Variants in SLC16A7 observed in about 807,000 individuals in gnomAD.
The protein encoded by SLC16A7 is solute carrier family 16 member 7.
Under a neutral mutation model 34.9 loss-of-function variants are expected in SLC16A7, and 33 were observed. That is an observed-to-expected ratio of 0.94 (90% CI 0.72 to 1.26). SLC16A7 has a LOEUF of 1.26. Ranked by LOEUF, SLC16A7 falls within the 50% of genes most tolerant of loss-of-function variation. SLC16A7 has a pLI of 0.00. For missense variants in SLC16A7, 573 were observed against 578.1 expected, an observed-to-expected ratio of 0.99 and a Z score of 0.09; for synonymous variants, 201 against 206.6, an observed-to-expected ratio of 0.97 and a Z score of 0.23.
chr12:59,607,023 A>G (rs1878977767), intron 1 of SLC16A7, among the ~76,000 whole-genome samples: 2 of 152,212 alleles, frequency 1.3e-5, no homozygotes, highest in African/African-American at 2.4e-5. Flanking sequence ...GATTTTGTAA[A>G]TAAAGTGTTT....
At chr12:59,625,138 CAA>C (rs371441477) in intron 1 of SLC16A7, among the ~76,000 whole-genome samples, 12 of 151,888 alleles carry the variant, frequency 7.9e-5, no homozygotes, top group African/African-American at 2.9e-4. Flanking sequence ...GAGACTTGCA[CAA>C]ATTAACTCCA....
chr12:59,700,889 C>T (rs1226288717), intron 2 of SLC16A7, among the ~76,000 whole-genome samples: 2 of 151,818 alleles, frequency 1.3e-5, no homozygotes, highest in Admixed American at 6.6e-5. Flanking sequence ...TAACTATGTA[C>T]AGATGACTAA....
At chr12:59,715,912 C>T (rs974913775) in intron 3 of SLC16A7, among the ~76,000 whole-genome samples, 5 of 152,130 alleles carry the variant, frequency 3.3e-5, no homozygotes, top group Admixed American at 3.3e-4. Flanking sequence ...CCTGCACAAC[C>T]ACAAAGCTAA....
rs1883591903 is a variant in SLC16A7 at position 59,786,029 on chromosome 12, C to A, written c.*6350C>A. 9.7e-6 allele frequency: 1 copy of A among 103,116 alleles called. No individual in the cohort carries two copies. The highest frequency in any genetic ancestry group is 1.8e-5 in the Non-Finnish European group (1 of 55,068). The allele number at this position is 103,116 out of a possible 1,614,324, so 6.4% of individuals were successfully genotyped here. On this transcript the variant is annotated 3_prime_UTR_variant, in exon 6 of 6. Transcript: ENST00000547379. ...GAAGGGGAACATCACACTCTGGGGA[C>A]TGTGGTGGGGTCGGGGGAGGGGGGA...
chr12:59,766,725 C>T (rs1881679826), intron 3 of SLC16A7, among the ~76,000 whole-genome samples: 5 of 152,066 alleles, frequency 3.3e-5, no homozygotes, highest in Admixed American at 1.3e-4. Context: ...CTGCTGGATT[C>T]GTTTTGCCAG....
chr12:59,762,256 C>G (rs1027264474), intron 3 of SLC16A7, among the ~76,000 whole-genome samples: 3 of 152,018 alleles, frequency 2.0e-5, no homozygotes, highest in African/African-American at 7.2e-5. Context: ...GAATATGGAG[C>G]CTTTCTTTTT....
chr12:59,602,270 T>C (rs533542781), intron 1 of SLC16A7, among the ~76,000 whole-genome samples: 1 of 152,262 alleles, frequency 6.6e-6, no homozygotes, highest in Admixed American at 6.5e-5. Flanking sequence ...AATCAGAGCA[T>C]CATTGACCTC....
chr12:59,751,988 G>A (rs1042077238), intron 3 of SLC16A7, among the ~76,000 whole-genome samples: 1 of 152,184 alleles, frequency 6.6e-6, no homozygotes, highest in Non-Finnish European at 1.5e-5. Flanking sequence ...CTGGTACCCA[G>A]GCAAACAGGG....
chr12:59,706,340 C>T (rs906499847), intron 3 of SLC16A7, among the ~76,000 whole-genome samples: 2 of 150,502 alleles, frequency 1.3e-5, no homozygotes, highest in Non-Finnish European at 3.0e-5. Context: ...CGAAGGTAAA[C>T]AGTTGATCCT....
At chr12:59,667,939 G>T (rs900617182) in intron 2 of SLC16A7, among the ~76,000 whole-genome samples, 5 of 152,204 alleles carry the variant, frequency 3.3e-5, no homozygotes, top group African/African-American at 1.2e-4. Flanking sequence ...ATATAGCTAG[G>T]GTCATGGCTT....
intron 2 of SLC16A7, among the ~76,000 whole-genome samples, chr12:59,661,259 A>G (rs1868835959): frequency 6.6e-6 from 1 of 152,060 alleles, no homozygotes; most frequent in Admixed American, 6.6e-5. Context: ...TGGGATAACA[A>G]TTGGAGGCTA....
chr12:59,786,156 G>T lies in SLC16A7; in HGVS notation c.*6477G>T, dbSNP rs977406931. 6.7e-6 allele frequency: 1 copy of T among 150,312 alleles called. No individual in the cohort carries two copies. Among genetic ancestry groups the T allele is most frequent in the African/African-American group, 2.5e-5 (1 of 40,626 alleles). 9.3% of individuals were successfully genotyped at this position (150,312 alleles called of 1,614,324 possible). A position where few individuals can be genotyped will look rare whatever the true frequency, so the allele number is the denominator to read the frequency against. On this transcript the variant is annotated 3_prime_UTR_variant, in exon 6 of 6. Transcript: ENST00000547379. The stretch of plus-strand genomic sequence containing the variant: ...CATATGTAACTAACCTGCACATTGT[G>T]CACATGTACCCTAAAACTTAAAGTA...
At chr12:59,616,559 T>C (rs1038269650) in intron 1 of SLC16A7, among the ~76,000 whole-genome samples, 1 of 152,188 alleles carries the variant, frequency 6.6e-6, no homozygotes, top group Non-Finnish European at 1.5e-5. Context: ...GTTATCTTAT[T>C]TGCCTTCAGT....
Position 59,775,044 on chromosome 12 carries a change from ATC to A in SLC16A7, c.751_752del (p.Leu251ValfsTer22), listed in dbSNP as rs1165809380. The A allele has an allele frequency of 3.7e-6, 6 of 1,613,950 alleles. No homozygotes were observed. Among genetic ancestry groups the A allele is most frequent in the Non-Finnish European group, 5.1e-6 (6 of 1,179,992 alleles). ...TTTAAGCATAGAGGATTTCTGATAT[ATC>A]TGTCTGGAAATGTCATTATGTTCCT... On this transcript the variant is annotated frameshift_variant, in exon 5 of 6. Coordinates refer to ENST00000547379, the MANE Select transcript of SLC16A7 (RefSeq NM_001270623.2). LOFTEE classifies it high-confidence loss of function.
At chr12:59,685,540 A>G (rs1871086936) in intron 2 of SLC16A7, among the ~76,000 whole-genome samples, 1 of 152,160 alleles carries the variant, frequency 6.6e-6, no homozygotes, top group Non-Finnish European at 1.5e-5. Context: ...TATTTATGAC[A>G]TATTTTGTGG....
At chr12:59,667,709 C>G (rs564602749) in intron 2 of SLC16A7, among the ~76,000 whole-genome samples, 1 of 152,164 alleles carries the variant, frequency 6.6e-6, no homozygotes, top group South Asian at 2.1e-4. Flanking sequence ...AGACATTTGC[C>G]TAAGTAACAA....
intron 1 of SLC16A7, among the ~76,000 whole-genome samples, chr12:59,612,987 G>T (rs958659134): frequency 1.3e-5 from 2 of 152,126 alleles, no homozygotes; most frequent in Admixed American, 6.5e-5. Context: ...TTCCAAAGTC[G>T]CTTCCACATA....
At chr12:59,683,175 C>T (rs1870883946) in intron 2 of SLC16A7, among the ~76,000 whole-genome samples, 1 of 152,124 alleles carries the variant, frequency 6.6e-6, no homozygotes, top group Non-Finnish European at 1.5e-5. Context: ...CATGTAATAC[C>T]TGTCAACATC....
chr12:59,717,000 GATGAA>G (rs1306580241), intron 3 of SLC16A7, among the ~76,000 whole-genome samples: 5 of 152,328 alleles, frequency 3.3e-5, no homozygotes, highest in African/African-American at 1.2e-4. Flanking sequence ...TTGGTGCAAA[GATGAA>G]ATGATAGGTG....
Sources: allele counts gnomAD v4.1 joint callset (sites outside exome capture counted in the v4.1 genomes callset), GRCh38; gene constraint gnomAD v4.1.1; transcripts MANE v1.5; gene names NCBI Gene and HGNC (gene_info 2026-07-23, HGNC 2026-07-21).